The following NRXN3 variants were observed in gnomAD, a reference collection of about 807,000 sequenced individuals.
NRXN3 encodes the protein neurexin 3.
A neutral mutation model predicts 137.6 loss-of-function variants in NRXN3; 32 were observed. The observed-to-expected ratio is 0.23, with a 90% confidence interval of 0.18 to 0.31. The LOEUF (loss-of-function observed/expected upper bound fraction) is 0.31. Among genes scored for constraint, NRXN3 ranks in the 10% least tolerant of loss-of-function variants. NRXN3 has a pLI of 1.00. For synonymous variants in NRXN3, 798 were observed against 784.5 expected (o/e 1.02, Z -0.29); for missense variants, 1,574 against 2,062.5 (o/e 0.76, Z 4.59).
chr14:79,387,963 G>T (rs1234331891), intron 15 of NRXN3, among the ~76,000 whole-genome samples: 1 of 106,220 alleles, frequency 9.4e-6, no homozygotes, highest in African/African-American at 3.7e-5. Context: ...TGGGGTGGGG[G>T]GAGGGGGGAG....
intron 17 of NRXN3, among the ~76,000 whole-genome samples, chr14:79,679,754 T>A (rs1453287291): frequency 6.6e-6 from 1 of 152,228 alleles, no homozygotes; most frequent in African/African-American, 2.4e-5. Context: ...GGGTGCCAGA[T>A]AAATATTTAA....
chr14:78,417,812 A>G (rs1475725055), intron 4 of NRXN3, among the ~76,000 whole-genome samples: 1 of 152,184 alleles, frequency 6.6e-6, no homozygotes, highest in Non-Finnish European at 1.5e-5. Context: ...GCTGGAGTGC[A>G]ATGGCACGAT....
rs905274084 is a variant in NRXN3 at position 79,600,177 on chromosome 14, A to G, written c.3445-63601A>G. Reference sequence around the variant, plus strand: ...ATGCAGGCATCTGGCTCCAGGGTTCATGGTCTTTTACCATGATGCCATGCT... The same window carrying G: ...ATGCAGGCATCTGGCTCCAGGGTTCGTGGTCTTTTACCATGATGCCATGCT... On this transcript the variant is annotated intron_variant, in intron 16 of 20. Transcript: ENST00000335750. 2.0e-5 allele frequency among the ~76,000 whole-genome samples: 3 copies of G among 152,312 alleles called. No individual in the cohort carries two copies. In the East Asian group the frequency reaches 5.8e-4, roughly 29 times the overall value.
chr14:79,173,847 G>A (rs1421436536), intron 15 of NRXN3, among the ~76,000 whole-genome samples: 1 of 152,110 alleles, frequency 6.6e-6, no homozygotes, highest in Non-Finnish European at 1.5e-5. Flanking sequence ...CATGTTCACT[G>A]AATGGCTTCT....
chr14:78,684,622 A>G (rs2098109421), intron 6 of NRXN3, among the ~76,000 whole-genome samples: 1 of 152,014 alleles, frequency 6.6e-6, no homozygotes, highest in South Asian at 2.1e-4. Context: ...TGGGCAACAT[A>G]GTGAGTCCCC....
At chr14:79,366,694 A>T (rs1202587898) in intron 15 of NRXN3, among the ~76,000 whole-genome samples, 1 of 152,194 alleles carries the variant, frequency 6.6e-6, no homozygotes, top group African/African-American at 2.4e-5. Context: ...ACAATATATA[A>T]TTCTACCAAG....
chr14:79,481,533 G>T (rs563642373), intron 16 of NRXN3, among the ~76,000 whole-genome samples: 20 of 152,314 alleles, frequency 1.3e-4, no homozygotes, highest in Middle Eastern at 3.4e-3. Flanking sequence ...GTAGGCAATT[G>T]TAATGCAGTG....
chr14:78,588,300 C>T (rs181103496), intron 4 of NRXN3, among the ~76,000 whole-genome samples: 1 of 152,318 alleles, frequency 6.6e-6, no homozygotes, highest in African/African-American at 2.4e-5. Flanking sequence ...CATGTTATAC[C>T]TTTCTATCCT....
chr14:79,247,531 C>T lies in NRXN3; in HGVS notation c.3263-219690C>T, dbSNP rs1364204092. On this transcript the variant is annotated intron_variant, in intron 15 of 20. Coordinates refer to ENST00000335750, the MANE Select transcript of NRXN3 (RefSeq NM_001330195.2). Reference sequence around the variant, plus strand: ...TCAGCAAAGAAAGAGCAACAAGTTTCCCTGCACATATTTTCCCTGGCAGAA... The same window carrying T: ...TCAGCAAAGAAAGAGCAACAAGTTTTCCTGCACATATTTTCCCTGGCAGAA... 2.6e-5 allele frequency among the ~76,000 whole-genome samples: 4 copies of T among 152,132 alleles called. No homozygotes were observed. The South Asian group carries it at 8.3e-4, about 31-fold the overall frequency.
At chr14:79,509,014 G>A (rs1447109244) in intron 16 of NRXN3, among the ~76,000 whole-genome samples, 1 of 151,896 alleles carries the variant, frequency 6.6e-6, no homozygotes, top group Non-Finnish European at 1.5e-5. Context: ...GGCCAACATG[G>A]TGAAACCCCG....
intron 16 of NRXN3, among the ~76,000 whole-genome samples, chr14:79,587,945 T>A (rs1403693334): frequency 6.6e-6 from 1 of 152,248 alleles, no homozygotes; most frequent in Non-Finnish European, 1.5e-5. Flanking sequence ...TATTGTTAGT[T>A]GTCCCTTGAA....
chr14:79,270,469 G>A (rs146261410), intron 15 of NRXN3, among the ~76,000 whole-genome samples: 4 of 152,234 alleles, frequency 2.6e-5, no homozygotes, highest in South Asian at 2.1e-4. Flanking sequence ...AAGAGTTTTC[G>A]GAGGCTAGGT....
rs59053009 is a variant in NRXN3, at chr14:78,888,848, T to TAC, written c.2276-68371_2276-68370dup. Among the ~76,000 whole-genome samples, 351 of 146,366 alleles carry TAC rather than the reference T, an allele frequency of 2.4e-3. 1 individual carries two copies. The highest frequency in any genetic ancestry group is 9.3e-3 in the South Asian group (42 of 4,534). Reference sequence around the variant, plus strand: ...CTAGTTGGGAGAGTAATCACACACATACACACACACACACACACACACACC... The same window carrying TAC: ...CTAGTTGGGAGAGTAATCACACACATACACACACACACACACACACACACACC... On this transcript the variant is annotated intron_variant, in intron 10 of 20. Transcript: ENST00000335750.
At chr14:79,840,966 G>A (rs1162325377) in intron 20 of NRXN3, among the ~76,000 whole-genome samples, 1 of 152,076 alleles carries the variant, frequency 6.6e-6, no homozygotes, top group African/African-American at 2.4e-5. Flanking sequence ...TGGAATGACT[G>A]GAAAATTTCT....
intron 19 of NRXN3, among the ~76,000 whole-genome samples, chr14:79,748,267 C>G (rs149138965): frequency 2.6e-5 from 4 of 151,958 alleles, no homozygotes; most frequent in African/African-American, 9.7e-5. Flanking sequence ...TAAAAAAAAG[C>G]GCCTCTTAAA....
rs115198484 is a variant in NRXN3 at position 79,337,477 on chromosome 14, C to T, written c.3263-129744C>T. ...AATGATGACTTCAGGAAAAGGATGG[C>T]GATATATTGCTTTCTTCCATGCAGT... On this transcript the variant is annotated intron_variant, in intron 15 of 20. Coordinates refer to ENST00000335750, the MANE Select transcript of NRXN3 (RefSeq NM_001330195.2). Among the ~76,000 whole-genome samples, 264 of 152,124 alleles carry T rather than the reference C, an allele frequency of 1.7e-3. 1 individual carries two copies. The highest frequency in any genetic ancestry group is 6.1e-3 in the African/African-American group (254 of 41,488).
chr14:78,885,190 A>T, intron 10 of NRXN3, among the ~76,000 whole-genome samples: 1 of 148,652 alleles, frequency 6.7e-6, no homozygotes, highest in East Asian at 1.9e-4. Flanking sequence ...ACATTATATA[A>T]ATTATGTATG....
At chr14:78,591,873 C>A (rs1366844811) in intron 4 of NRXN3, among the ~76,000 whole-genome samples, 1 of 152,204 alleles carries the variant, frequency 6.6e-6, no homozygotes, top group Non-Finnish European at 1.5e-5. Flanking sequence ...TTCCCCTCTT[C>A]CCCTGTGGAA....
chr14:79,823,857 T>G (rs577026913), intron 20 of NRXN3: 2 of 436,672 alleles, frequency 4.6e-6, no homozygotes, highest in Admixed American at 4.7e-5. Context: ...GGGCTCTATA[T>G]AGCTTAACAC....
Sources: gnomAD v4.1 joint callset for allele counts (sites outside exome capture counted in the v4.1 genomes callset) on GRCh38, gnomAD v4.1.1 for gene constraint, MANE v1.5 for transcripts, NCBI Gene and HGNC (gene_info 2026-07-23, HGNC 2026-07-21) for gene names.